The following PDZRN3 variants were observed in gnomAD, a reference collection of about 807,000 sequenced individuals.
PDZRN3 encodes the protein PDZ domain containing ring finger 3.
A neutral mutation model predicts 85.7 loss-of-function variants in PDZRN3; 38 were observed. The ratio of observed to expected loss-of-function variants is 0.44; its 90% confidence interval spans 0.34 to 0.58. The LOEUF is 0.58. Among genes scored for constraint, PDZRN3 ranks in the 20% least tolerant of loss-of-function variants. The probability of loss-of-function intolerance (pLI) is 0.01; values close to 1 mark genes in which losing one functional copy is unlikely to be tolerated. For missense variants in PDZRN3, 1,629 were observed against 1,506.4 expected (o/e 1.08, Z -1.35); for synonymous variants, 759 against 638.0 (o/e 1.19, Z -2.86).
intron 5 of PDZRN3, among the ~76,000 whole-genome samples, chr3:73,393,153 A>G (rs866191662): frequency 2.0e-5 from 3 of 152,256 alleles, no homozygotes; most frequent in South Asian, 2.1e-4. Flanking sequence ...TGCAGGAGAC[A>G]CATCTTGCTG....
chr3:73,491,267 T>C (rs1703765165), intron 3 of PDZRN3, among the ~76,000 whole-genome samples: 1 of 152,138 alleles, frequency 6.6e-6, no homozygotes, highest in Non-Finnish European at 1.5e-5. Context: ...AAGATTAGCC[T>C]ATAAATGACT....
chr3:73,550,812 A>G (rs1701535288), intron 3 of PDZRN3, among the ~76,000 whole-genome samples: 1 of 152,240 alleles, frequency 6.6e-6, no homozygotes, highest in Admixed American at 6.5e-5. Flanking sequence ...CAACCAAAAC[A>G]AAACAAAAAC....
chr3:73,466,358 A>G (rs1369647646), intron 3 of PDZRN3, among the ~76,000 whole-genome samples: 1 of 151,564 alleles, frequency 6.6e-6, no homozygotes, highest in Non-Finnish European at 1.5e-5. Flanking sequence ...GAGTTCTTTT[A>G]TGGGGCCTGC....
intron 3 of PDZRN3, 95 bp from the exon 4 acceptor site, chr3:73,404,490 A>G (rs1559660093): frequency 9.0e-6 from 12 of 1,338,846 alleles, no homozygotes; most frequent in Admixed American, 4.4e-5. Context: ...GTAAGCAGCT[A>G]AAAGAAAGAA....
At chr3:73,591,648 T>C (rs1386810034) in intron 3 of PDZRN3, among the ~76,000 whole-genome samples, 1 of 152,168 alleles carries the variant, frequency 6.6e-6, no homozygotes, top group Non-Finnish European at 1.5e-5. Context: ...TGAGCATTTA[T>C]TCCGGGGCCA....
intron 3 of PDZRN3, among the ~76,000 whole-genome samples, chr3:73,520,305 G>A (rs963810212): frequency 6.6e-6 from 1 of 152,146 alleles, no homozygotes; most frequent in African/African-American, 2.4e-5. Flanking sequence ...AGAAGTTCAA[G>A]AGGAGCCTGG....
chr3:73,522,234 C>G (rs1704385256), intron 3 of PDZRN3, among the ~76,000 whole-genome samples: 1 of 152,106 alleles, frequency 6.6e-6, no homozygotes, highest in South Asian at 2.1e-4. Flanking sequence ...TATGCTGGCC[C>G]CTGATCGACA....
chr3:73,612,264 T>A (rs1702696814), intron 1 of PDZRN3, among the ~76,000 whole-genome samples: 1 of 152,154 alleles, frequency 6.6e-6, no homozygotes, highest in Non-Finnish European at 1.5e-5. Flanking sequence ...CATGATCACA[T>A]AGTGGCAAAG....
intron 3 of PDZRN3, among the ~76,000 whole-genome samples, chr3:73,463,843 G>C (rs1703155727): frequency 6.6e-6 from 1 of 152,074 alleles, no homozygotes; most frequent in African/African-American, 2.4e-5. Context: ...CTAATGGATA[G>C]TAGACTTAAT....
At chr3:73,501,176 C>T (rs1703970697) in intron 3 of PDZRN3, among the ~76,000 whole-genome samples, 1 of 152,174 alleles carries the variant, frequency 6.6e-6, no homozygotes, top group Non-Finnish European at 1.5e-5. Context: ...AAAATCCAAA[C>T]ACATAGCCAC....
At chr3:73,615,636 C>G (rs1370352547) in intron 1 of PDZRN3, among the ~76,000 whole-genome samples, 1 of 152,194 alleles carries the variant, frequency 6.6e-6, no homozygotes, top group Non-Finnish European at 1.5e-5. Flanking sequence ...TGGGTCCTCA[C>G]CAGACCCTGA....
chr3:73,471,113 G>C (rs548297061), intron 3 of PDZRN3, among the ~76,000 whole-genome samples: 121 of 152,160 alleles, frequency 8.0e-4, no homozygotes, highest in African/African-American at 2.6e-3. Context: ...GGTCATTAAG[G>C]GTTGGCCCTA....
In PDZRN3 at chr3:73,459,052, C is replaced by T. The variant is rs1039543848; in HGVS notation, c.919-54657G>A. ...AAAGAGGTTTAATTGACTCACAGTT[C>T]GGCATTGCTGGGGAGGCCTCAGTAA... is the stretch of plus-strand genomic sequence containing the variant. On this transcript the variant is annotated intron_variant, in intron 3 of 9. Coordinates refer to ENST00000263666, the MANE Select transcript of PDZRN3 (RefSeq NM_015009.3). 6.6e-5 allele frequency among the ~76,000 whole-genome samples: 10 copies of T among 151,854 alleles called. No homozygotes were observed. The South Asian group carries it at 1.5e-3, about 22-fold the overall frequency.
Position 73,585,161 on chromosome 3 carries a change from C to T in PDZRN3, c.918+17193G>A, listed in dbSNP as rs181112327. Among the ~76,000 whole-genome samples the T allele has an allele frequency of 1.1e-3, 168 of 152,186 alleles. 2 individuals are homozygous for T. Among genetic ancestry groups the T allele is most frequent in the Admixed American group, 0.011 (168 of 15,288 alleles). ...TTAAAGCAAAAACTAAGATAGCTGC[C>T]CTTAGTTTTACCATTTTAAAGTTTA... is the stretch of plus-strand genomic sequence containing the variant. On this transcript the variant is annotated intron_variant, in intron 3 of 9. Coordinates refer to ENST00000263666, the MANE Select transcript of PDZRN3 (RefSeq NM_015009.3).
rs758009390 is a variant in PDZRN3 at position 73,383,649 on chromosome 3, A to G, written c.2917T>C (p.Trp973Arg). 6.2e-7 allele frequency: 1 copy of G among 1,613,018 alleles called. No individual in the cohort carries two copies. Among genetic ancestry groups the G allele is most frequent in the Non-Finnish European group, 8.5e-7 (1 of 1,179,944 alleles). The change falls in exon 10 of 10, where the codon TGG becomes CGG. Residue 973 changes from tryptophan (W) to arginine (R), a missense_variant. Coordinates refer to ENST00000263666, the MANE Select transcript of PDZRN3 (RefSeq NM_015009.3). Reference protein sequence around the residue: ...AVSEMKMGRYWSKEERKQHLV... With the variant: ...AVSEMKMGRYRSKEERKQHLV... ...TGCTGCTTCCTCTCCTCCTTGCTCC[A>G]GTAGCGCCCCATCTTCATCTCGCTC...
chr3:73,532,062 C>T (rs377018553), intron 3 of PDZRN3, among the ~76,000 whole-genome samples: 6 of 152,192 alleles, frequency 3.9e-5, no homozygotes, highest in African/African-American at 1.2e-4. Flanking sequence ...AGTGCAGTGG[C>T]GCGATCTTGG....
chr3:73,385,734 G>C lies in PDZRN3; in HGVS notation c.1570C>G (p.His524Asp). Residue 524 changes from histidine to aspartate, a missense_variant, in exon 9 of 10, where the codon CAC (histidine) becomes GAC (aspartate). By Grantham distance (81) the His-to-Asp change is moderately conservative. Coordinates refer to ENST00000263666, the MANE Select transcript of PDZRN3 (RefSeq NM_015009.3). ...DDRNDFLDDLHMDMLEEQHHQ... is the reference protein window; with the variant it reads ...DDRNDFLDDLDMDMLEEQHHQ... ...TGCTGCTCCTCCAGCATGTCCATGTGCAGGTCATCCAGAAAGTCGTTCCTG... is the reference window on the plus strand; with the variant it reads ...TGCTGCTCCTCCAGCATGTCCATGTCCAGGTCATCCAGAAAGTCGTTCCTG... 6.2e-7 allele frequency: 1 copy of C among 1,613,982 alleles called. No individual in the cohort carries two copies. Among genetic ancestry groups the C allele is most frequent in the Non-Finnish European group, 8.5e-7 (1 of 1,179,864 alleles).
chr3:73,597,567 C>G (rs1376434400), intron 3 of PDZRN3, among the ~76,000 whole-genome samples: 1 of 152,130 alleles, frequency 6.6e-6, no homozygotes, highest in Non-Finnish European at 1.5e-5. Flanking sequence ...ACTACACAGA[C>G]TCATTTATCA....
chr3:73,577,254 C>T (rs1702139054), intron 3 of PDZRN3, among the ~76,000 whole-genome samples: 1 of 152,208 alleles, frequency 6.6e-6, no homozygotes. Flanking sequence ...GAAACCCTTA[C>T]ATGACTAGCT....
Sources: allele counts gnomAD v4.1 joint callset (sites outside exome capture counted in the v4.1 genomes callset), GRCh38; gene constraint gnomAD v4.1.1; transcripts MANE v1.5; gene names NCBI Gene and HGNC (gene_info 2026-07-23, HGNC 2026-07-21).